FGF14: variants seen among roughly 807,000 people sequenced by gnomAD.
The protein encoded by FGF14 is fibroblast growth factor 14, also known as fibroblast growth factor homologous factor 4.
In FGF14, 5 loss-of-function variants were observed where a neutral mutation model predicts 25.5. The ratio of observed to expected loss-of-function variants is 0.20; its 90% CI spans 0.10 to 0.41. The LOEUF (loss-of-function observed/expected upper bound fraction) is 0.41. FGF14 is among the 10% of genes least tolerant of loss of function. The pLI is 1.00. For synonymous variants in FGF14, 138 were observed against 118.3 expected, an observed-to-expected ratio of 1.17 and a Z score of -1.08; for missense variants, 222 against 320.1, an observed-to-expected ratio of 0.69 and a Z score of 2.34.
intron 1 of FGF14, among the ~76,000 whole-genome samples, chr13:102,068,735 CTG>C (rs1434547168): frequency 6.6e-6 from 1 of 152,212 alleles, no homozygotes; most frequent in East Asian, 1.9e-4. Context: ...GACCTGCAGC[CTG>C]CCATGCCTGA....
intron 1 of FGF14, among the ~76,000 whole-genome samples, chr13:102,226,807 T>G (rs1358498741): frequency 6.6e-6 from 1 of 152,178 alleles, no homozygotes; most frequent in Non-Finnish European, 1.5e-5. Context: ...TCAGCACATT[T>G]TCTCATGAAC....
intron 1 of FGF14, among the ~76,000 whole-genome samples, chr13:102,327,862 A>AC (rs374418221): frequency 8.5e-5 from 12 of 141,888 alleles, no homozygotes; most frequent in Admixed American, 4.1e-4. Context: ...AAACAAACAA[A>AC]AAAAAAGGAT....
intron 3 of FGF14, among the ~76,000 whole-genome samples, chr13:101,758,061 C>G (rs368393432): frequency 1.1e-4 from 16 of 152,240 alleles, no homozygotes; most frequent in Admixed American, 3.9e-4. Context: ...TGTGGATTCT[C>G]TTGAAGTTAA....
At chr13:102,046,956 G>C (rs1035547838) in intron 1 of FGF14, among the ~76,000 whole-genome samples, 1 of 152,122 alleles carries the variant, frequency 6.6e-6, no homozygotes, top group Non-Finnish European at 1.5e-5. Flanking sequence ...TCAGCAGATG[G>C]ATCTATTGGG....
intron 1 of FGF14, among the ~76,000 whole-genome samples, chr13:102,023,041 C>T (rs891052248): frequency 9.1e-5 from 8 of 88,074 alleles, no homozygotes; most frequent in African/African-American, 3.6e-4. Flanking sequence ...AAAATATTTT[C>T]GGACACACAC....
At chr13:101,754,942 C>G (rs186934889) in intron 3 of FGF14, among the ~76,000 whole-genome samples, 1 of 152,148 alleles carries the variant, frequency 6.6e-6, no homozygotes, top group East Asian at 1.9e-4. Flanking sequence ...CACTTCCTAA[C>G]AGAAATGGAA....
chr13:102,227,778 G>A (rs558294620), intron 1 of FGF14, among the ~76,000 whole-genome samples: 5 of 152,196 alleles, frequency 3.3e-5, no homozygotes, highest in Admixed American at 2.6e-4. Context: ...TCAGTAAAGG[G>A]GATGAGGAAA....
intron 1 of FGF14, among the ~76,000 whole-genome samples, chr13:102,087,976 A>G (rs1025837558): frequency 6.6e-6 from 1 of 152,158 alleles, no homozygotes; most frequent in African/African-American, 2.4e-5. Flanking sequence ...CTACTTCTCT[A>G]TATGTATGTA....
At chr13:102,324,644 C>A (rs2056363099) in intron 1 of FGF14, among the ~76,000 whole-genome samples, 1 of 152,120 alleles carries the variant, frequency 6.6e-6, no homozygotes, top group African/African-American at 2.4e-5. Flanking sequence ...GGATAATTAT[C>A]ACCGGGTGTC....
At chr13:102,095,956 C>T (rs2044374148) in intron 1 of FGF14, among the ~76,000 whole-genome samples, 1 of 148,486 alleles carries the variant, frequency 6.7e-6, no homozygotes, top group Non-Finnish European at 1.5e-5. Context: ...CATCAATCAA[C>T]TGTACATATT....
At chr13:101,977,343 A>G (rs1159242739) in intron 1 of FGF14, among the ~76,000 whole-genome samples, 3 of 151,410 alleles carry the variant, frequency 2.0e-5, no homozygotes, top group Non-Finnish European at 4.4e-5. Context: ...TGAAAAAAAA[A>G]TGATTTTTTC....
At chr13:102,059,474 A>C (rs1033215268) in intron 1 of FGF14, among the ~76,000 whole-genome samples, 11 of 152,242 alleles carry the variant, frequency 7.2e-5, no homozygotes, top group African/African-American at 2.7e-4. Flanking sequence ...AACACAGAGC[A>C]CTCAAAAATA....
chr13:101,915,880 C>G (rs1461578813), intron 1 of FGF14, among the ~76,000 whole-genome samples: 1 of 152,234 alleles, frequency 6.6e-6, no homozygotes, highest in South Asian at 2.1e-4. Context: ...GCTAAGCAGC[C>G]TTCTGCTGAA....
rs186642056 is a variant in FGF14, at chr13:101,837,055, C to T, written c.408+31670G>A. Among the ~76,000 whole-genome samples the T allele has an allele frequency of 2.9e-3, 439 of 152,102 alleles. 2 individuals carry two copies. Among genetic ancestry groups the T allele is most frequent in the African/African-American group, 0.01 (420 of 41,524 alleles). On this transcript the variant is annotated intron_variant, in intron 3 of 4. Transcript: ENST00000376143. ...TTTAGTATAATGTTGGGCTAAACTA[C>T]GTGAAGAATAAATCCTACTTAGGCA...
intron 1 of FGF14, chr13:102,354,058 TC>T: frequency 6.5e-6 from 1 of 154,990 alleles, no homozygotes; most frequent in Non-Finnish European, 1.4e-5. Flanking sequence ...CAAAGCTGCC[TC>T]CCATTTTATT....
intron 3 of FGF14, among the ~76,000 whole-genome samples, chr13:101,772,521 A>G (rs1424057758): frequency 2.0e-5 from 3 of 152,188 alleles, no homozygotes; most frequent in Admixed American, 6.5e-5. Flanking sequence ...TTTGGTTTCT[A>G]TAATTACTTC....
intron 1 of FGF14, among the ~76,000 whole-genome samples, chr13:102,296,677 C>T (rs1025847259): frequency 1.3e-5 from 2 of 152,160 alleles, no homozygotes; most frequent in Admixed American, 1.3e-4. Flanking sequence ...TCCATTTCTC[C>T]TTCCAAACCA....
At chr13:101,888,453 T>C (rs1441626935) in intron 1 of FGF14, among the ~76,000 whole-genome samples, 3 of 152,190 alleles carry the variant, frequency 2.0e-5, no homozygotes, top group Non-Finnish European at 4.4e-5. Flanking sequence ...TGAATGTGTG[T>C]GTGTGTGTAA....
chr13:102,101,880 T>C (rs1007222703), intron 1 of FGF14, among the ~76,000 whole-genome samples: 2 of 152,088 alleles, frequency 1.3e-5, no homozygotes, highest in African/African-American at 4.8e-5. Context: ...TTTTTGCATT[T>C]TTAGTAGAGA....
Sources: gnomAD v4.1 joint callset for allele counts (sites outside exome capture counted in the v4.1 genomes callset) on GRCh38, gnomAD v4.1.1 for gene constraint, MANE v1.5 for transcripts, NCBI Gene and HGNC (gene_info 2026-07-23, HGNC 2026-07-21) for gene names.